The following CRISPLD2 variants were observed in gnomAD, a reference collection of about 807,000 sequenced individuals.
CRISPLD2 encodes cysteine-rich secretory protein LCCL domain-containing 2.
In CRISPLD2, 47 loss-of-function variants were observed where a neutral mutation model predicts 71.1. The observed-to-expected ratio is 0.66, with a 90% CI of 0.52 to 0.84. The LOEUF is 0.84. CRISPLD2 is among the 40% of genes least tolerant of loss of function. The pLI, the probability that CRISPLD2 is intolerant of heterozygous loss-of-function variation, is 0.00. For synonymous variants in CRISPLD2, 317 were observed against 250.1 expected, an observed-to-expected ratio of 1.27 and a Z score of -2.52; for missense variants, 830 against 651.1, an observed-to-expected ratio of 1.27 and a Z score of -2.99.
intron 11 of CRISPLD2, 26 bp from the exon 12 acceptor site, chr16:84,877,412 C>G: frequency 1.9e-6 from 3 of 1,610,904 alleles, no homozygotes; most frequent in Non-Finnish European, 1.7e-6. Flanking sequence ...GGGACCTGAC[C>G]CTTTCCCCCT....
intron 3 of CRISPLD2, 146 bp from the exon 4 acceptor site, chr16:84,849,239 C>T (rs986662096): frequency 5.0e-6 from 4 of 797,766 alleles, no homozygotes; most frequent in Middle Eastern, 3.8e-4. Flanking sequence ...GCCTCCCTCC[C>T]TCCCGGCTGC....
At chr16:84,879,613 C>T (rs571206440) in intron 12 of CRISPLD2, among the ~76,000 whole-genome samples, 8 of 152,054 alleles carry the variant, frequency 5.3e-5, no homozygotes, top group African/African-American at 1.9e-4. Context: ...CCACCCACCT[C>T]GGCCTCCCAA....
At chr16:84,875,414 C>CTTTTTTTTTTTTTTTTTTTTTTT (rs34028519) in intron 11 of CRISPLD2, among the ~76,000 whole-genome samples, 5 of 87,786 alleles carry the variant, frequency 5.7e-5, no homozygotes, top group African/African-American at 2.2e-4. Context: ...TATGCATGGA[C>CTTTTTTTTTTTTTTTTTTTTTTT]TTTTTTTTTT....
At chr16:84,859,852 G>T (rs1917335570) in intron 6 of CRISPLD2, among the ~76,000 whole-genome samples, 2 of 152,204 alleles carry the variant, frequency 1.3e-5, no homozygotes, top group Admixed American at 1.3e-4. Flanking sequence ...CTTGGCCCCT[G>T]CCACCTTGGG....
At chr16:84,874,041 C>A in intron 11 of CRISPLD2, 78 bp downstream of exon 11, 4 of 1,286,218 alleles carry the variant, frequency 3.1e-6, no homozygotes, top group South Asian at 1.3e-5. Context: ...TTCCTTTAGT[C>A]GCTGATTTAA....
chr16:84,833,640 G>A (rs1916542731), intron 1 of CRISPLD2, among the ~76,000 whole-genome samples: 1 of 152,170 alleles, frequency 6.6e-6, no homozygotes, highest in South Asian at 2.1e-4. Context: ...CACTCTGCAG[G>A]GGGCATCCAT....
chr16:84,877,368 T>C, intron 11 of CRISPLD2, 70 bp from the exon 12 acceptor site: 1 of 1,444,268 alleles, frequency 6.9e-7, no homozygotes, highest in African/African-American at 1.4e-5. Context: ...AGTGGCCCAT[T>C]GCACAGCCTG....
intron 11 of CRISPLD2, 125 bp from the exon 12 acceptor site, chr16:84,877,313 C>T: frequency 1.3e-6 from 1 of 792,994 alleles, no homozygotes; most frequent in Non-Finnish European, 2.1e-6. Flanking sequence ...GTCGTAGTCC[C>T]AGCTCTATTC....
rs950780501 is a variant in CRISPLD2 at position 84,867,660 on chromosome 16, G to A, written c.853+620G>A. On this transcript the variant is annotated intron_variant, in intron 7 of 14. Transcript: ENST00000262424. ...CGGCTCACTGCAACCTTTGCCTTCC[G>A]GGTTCAAGCAATTCTCCTGCCTCAG... Among the ~76,000 whole-genome samples, 10 of 152,070 alleles carry A rather than the reference G, an allele frequency of 6.6e-5. No homozygotes were observed. The South Asian group carries it at 1.5e-3, about 22-fold the overall frequency.
intron 1 of CRISPLD2, among the ~76,000 whole-genome samples, chr16:84,835,091 C>G (rs1028695962): frequency 6.6e-6 from 1 of 151,920 alleles, no homozygotes; most frequent in Non-Finnish European, 1.5e-5. Context: ...GGTTACTTTT[C>G]TTTTTTTAAT....
At chr16:84,847,807 G>T (rs183210569) in intron 3 of CRISPLD2, among the ~76,000 whole-genome samples, 58 of 152,310 alleles carry the variant, frequency 3.8e-4, no homozygotes, top group Admixed American at 9.2e-4. Context: ...TGAGACTGTA[G>T]CCTGGATCAC....
At chr16:84,884,648 G>A (rs1259492820) in intron 13 of CRISPLD2, among the ~76,000 whole-genome samples, 1 of 152,220 alleles carries the variant, frequency 6.6e-6, no homozygotes, top group African/African-American at 2.4e-5. Context: ...AAGAAAGGAG[G>A]AAAGGTGTTT....
At chr16:84,883,599 C>T (rs1020809354) in intron 13 of CRISPLD2, among the ~76,000 whole-genome samples, 4 of 152,220 alleles carry the variant, frequency 2.6e-5, no homozygotes, top group Admixed American at 2.6e-4. Flanking sequence ...CTAGGCCTCA[C>T]CCTCAGCATT....
intron 1 of CRISPLD2, among the ~76,000 whole-genome samples, chr16:84,833,996 G>C (rs1916554049): frequency 6.6e-6 from 1 of 152,194 alleles, no homozygotes; most frequent in African/African-American, 2.4e-5. Flanking sequence ...CCAGAGGGAA[G>C]CCCACTCCGT....
At chr16:84,892,116 T>A (rs981433243) in intron 14 of CRISPLD2, among the ~76,000 whole-genome samples, 10 of 152,034 alleles carry the variant, frequency 6.6e-5, no homozygotes, top group Non-Finnish European at 2.9e-5. Context: ...AAGGGGGGAA[T>A]AATATTACCT....
rs151081286 is a variant in CRISPLD2 at position 84,875,534 on chromosome 16, C to T, written c.1156+1571C>T. Among the ~76,000 whole-genome samples the T allele has an allele frequency of 4.4e-4, 65 of 149,370 alleles. No homozygotes were observed. The East Asian group carries it at 0.01, about 24-fold the overall frequency. On this transcript the variant is annotated intron_variant, in intron 11 of 14. Transcript: ENST00000262424. ...CCTAGGGAAGCCAAAAGATTAGACA[C>T]CCTTGCTTTTTTTATTTTATTTTTT...
intron 4 of CRISPLD2, among the ~76,000 whole-genome samples, chr16:84,850,065 T>C (rs990079830): frequency 1.3e-5 from 2 of 150,570 alleles, no homozygotes; most frequent in African/African-American, 4.9e-5. Flanking sequence ...TGGGGCATTT[T>C]CATTGTGTGG....
chr16:84,845,767 G>C lies in CRISPLD2; in HGVS notation c.241-19G>C. ...CCCTCACCCTCACCTCCTGGTGCCC[G>C]TTTCTCCTTCTCCTGCAGACCTGGG... On this transcript the variant is annotated intron_variant, in intron 2 of 14. Coordinates refer to ENST00000262424, the MANE Select transcript of CRISPLD2 (RefSeq NM_031476.4). The C allele has an allele frequency of 6.4e-7, 1 of 1,570,050 alleles. No homozygotes were observed. Among genetic ancestry groups the C allele is most frequent in the Non-Finnish European group, 8.8e-7 (1 of 1,141,940 alleles).
At chr16:84,862,708 T>A (rs1469194225) in intron 6 of CRISPLD2, among the ~76,000 whole-genome samples, 2 of 132,042 alleles carry the variant, frequency 1.5e-5, no homozygotes, top group Admixed American at 8.8e-5. Context: ...GTGGCTCCAC[T>A]GGCAGCCTTG....
Sources: gnomAD v4.1 joint callset for allele counts (sites outside exome capture counted in the v4.1 genomes callset) on GRCh38, gnomAD v4.1.1 for gene constraint, MANE v1.5 for transcripts, NCBI Gene and HGNC (gene_info 2026-07-23, HGNC 2026-07-21) for gene names.